ACER2: variants seen among roughly 807,000 people sequenced by gnomAD.
ACER2 encodes the protein alkCDase 2.
In ACER2, 26 loss-of-function variants were observed where a neutral mutation model predicts 34.7. The ratio of observed to expected loss-of-function variants is 0.75; its 90% CI spans 0.55 to 1.04. The LOEUF (loss-of-function observed/expected upper bound fraction) is 1.04, where lower values mean the gene tolerates loss of function less well. Ranked by LOEUF, ACER2 falls within the 50% of genes least tolerant of loss-of-function variation. ACER2 has a pLI of 0.00. For missense variants in ACER2, 352 were observed against 340.8 expected (o/e 1.03, Z -0.26); for synonymous variants, 138 against 132.1 (o/e 1.04, Z -0.31).
intron 4 of ACER2, among the ~76,000 whole-genome samples, chr9:19,444,938 T>A (rs1319851143): frequency 6.6e-6 from 1 of 152,236 alleles, no homozygotes; most frequent in East Asian, 1.9e-4. Flanking sequence ...TCTGAACCTG[T>A]CCCACTTTTA....
In ACER2 at chr9:19,446,415, T is replaced by A. The variant is rs2132532591; in HGVS notation, c.638T>A (p.Met213Lys). Residue 213 changes from methionine to lysine, a missense_variant, in exon 5 of 6, where the codon ATG becomes AAG. Physicochemically the swap from Met to Lys is moderately conservative, Grantham distance 95. Transcript: ENST00000340967. ...TTCAACTTCCCCTACCTGCACTGCA[T>A]GTGGTAAGCCCCTGCTAATGGGGAG... Reference protein sequence around the residue: ...SSFNFPYLHCMWHILICLAAY... With the variant: ...SSFNFPYLHCKWHILICLAAY... 6.2e-7 allele frequency: 1 copy of A among 1,614,128 alleles called. No individual in the cohort carries two copies. Among genetic ancestry groups the A allele is most frequent in the South Asian group, 1.1e-5 (1 of 91,076 alleles).
chr9:19,437,524 C>T (rs1373557046), intron 4 of ACER2, among the ~76,000 whole-genome samples: 1 of 152,174 alleles, frequency 6.6e-6, no homozygotes, highest in Non-Finnish European at 1.5e-5. Context: ...TCTTCTTCCT[C>T]CAATCTCTTC....
At chr9:19,443,249 G>A (rs1370529102) in intron 4 of ACER2, among the ~76,000 whole-genome samples, 1 of 152,116 alleles carries the variant, frequency 6.6e-6, no homozygotes, top group Non-Finnish European at 1.5e-5. Context: ...AGCCAGGATG[G>A]TCTTGATCTC....
At chr9:19,414,995 G>A (rs1031733780) in intron 1 of ACER2, among the ~76,000 whole-genome samples, 12 of 152,028 alleles carry the variant, frequency 7.9e-5, no homozygotes, top group African/African-American at 2.7e-4. Context: ...TTCTTTTGGT[G>A]TTCCTTCATC....
In ACER2 at chr9:19,424,692, G is replaced by T. The variant is rs758430465; in HGVS notation, c.224-8G>T. 11 of 1,612,618 alleles carry T rather than the reference G, an allele frequency of 6.8e-6. No individual in the cohort carries two copies. Among genetic ancestry groups the T allele is most frequent in the Middle Eastern group, 1.9e-4 (1 of 5,198 alleles). On this transcript the variant is annotated splice_polypyrimidine_tract_variant and splice_region_variant and intron_variant, in intron 2 of 5. Coordinates refer to ENST00000340967, the MANE Select transcript of ACER2 (RefSeq NM_001010887.3). ...TGACCTTTTTTTATTGGTTGTAATT[G>T]ATTCTAGGAATTGGATCCGTCTACT...
chr9:19,440,820 G>T (rs533337719), intron 4 of ACER2, among the ~76,000 whole-genome samples: 4 of 152,050 alleles, frequency 2.6e-5, no homozygotes, highest in Admixed American at 1.3e-4. Context: ...CTACTATTAT[G>T]TGTCTAGCTG....
intron 3 of ACER2, among the ~76,000 whole-genome samples, chr9:19,430,609 G>A (rs1431585906): frequency 6.6e-6 from 1 of 152,050 alleles, no homozygotes; most frequent in Non-Finnish European, 1.5e-5. Flanking sequence ...GCACATTCCT[G>A]TACACCTTCT....
intron 3 of ACER2, among the ~76,000 whole-genome samples, chr9:19,432,996 C>T (rs1830806706): frequency 6.6e-6 from 1 of 151,742 alleles, no homozygotes; most frequent in Admixed American, 6.6e-5. Flanking sequence ...GGAAAAATCG[C>T]ACGAAGAAAA....
intron 1 of ACER2, among the ~76,000 whole-genome samples, chr9:19,417,469 C>G (rs898347856): frequency 2.0e-5 from 3 of 152,186 alleles, no homozygotes; most frequent in African/African-American, 7.2e-5. Context: ...TGACTTCATA[C>G]TACAAGGCTA....
At chr9:19,446,705 C>T in intron 5 of ACER2, 1 of 900,136 alleles carries the variant, frequency 1.1e-6, no homozygotes. Flanking sequence ...AGCTTGAGAA[C>T]TGAACCTGTA....
Position 19,409,201 on chromosome 9 carries a change from C to G in ACER2, c.108+9C>G. The G allele has an allele frequency of 6.4e-7, 1 of 1,572,738 alleles. No individual in the cohort carries two copies. Among genetic ancestry groups the G allele is most frequent in the Non-Finnish European group, 8.6e-7 (1 of 1,159,326 alleles). Reference sequence around the variant, plus strand: ...CCGAGTTCTACAACACGGTGCGGGGCGCGGGAGCGGGGAAGGCAGGCGGGC... The same window carrying G: ...CCGAGTTCTACAACACGGTGCGGGGGGCGGGAGCGGGGAAGGCAGGCGGGC... On this transcript the variant is annotated intron_variant, in intron 1 of 5. Coordinates refer to ENST00000340967, the MANE Select transcript of ACER2 (RefSeq NM_001010887.3).
rs1337770083 is a variant in ACER2, at chr9:19,449,911, A to AAAAAT, written c.642-539_642-538insAAAAT. On this transcript the variant is annotated intron_variant, in intron 5 of 5. Transcript: ENST00000340967. Reference sequence around the variant, plus strand: ...CATTTAAAAAAAAAAAAAAAAAAAAAGGATTACATGCTTTTAAATGGTCTA... The same window carrying AAAAAT: ...CATTTAAAAAAAAAAAAAAAAAAAAAAAAATGGATTACATGCTTTTAAATGGTCTA... 1.0e-3 allele frequency among the ~76,000 whole-genome samples: 151 copies of AAAAAT among 147,858 alleles called. 1 individual carries two copies. Among genetic ancestry groups the AAAAAT allele is most frequent in the African/African-American group, 3.9e-3 (149 of 38,686 alleles).
rs7856222 is a variant in ACER2, at chr9:19,450,966, G to A, written c.*330G>A. ...TGGATTTTGTGTAATTTTTAAAAAG[G>A]TCCCCTCCTCCTCCCTAATGTGTCT... On this transcript the variant is annotated 3_prime_UTR_variant, in exon 6 of 6. Coordinates refer to ENST00000340967, the MANE Select transcript of ACER2 (RefSeq NM_001010887.3). 27,340 of 178,404 alleles carry A rather than the reference G, an allele frequency of 0.15. 4,940 individuals are homozygous for A. The highest frequency in any genetic ancestry group is 0.47 in the African/African-American group (19,719 of 42,398). 11.1% of individuals were successfully genotyped at this position (178,404 alleles called of 1,614,324 possible).
Position 19,423,845 on chromosome 9 carries a change from AC to A in ACER2, c.109-16del. The A allele has an allele frequency of 1.9e-6, 3 of 1,594,844 alleles. No individual in the cohort carries two copies. The highest frequency in any genetic ancestry group is 2.6e-6 in the Non-Finnish European group (3 of 1,162,942). ...TACTTAATACTCATCTTTCTGTTTT[AC>A]ATTTTTTTCCTGCAGATCAGCAATG... On this transcript the variant is annotated splice_polypyrimidine_tract_variant and intron_variant, in intron 1 of 5. Coordinates refer to ENST00000340967, the MANE Select transcript of ACER2 (RefSeq NM_001010887.3).
chr9:19,441,146 T>G (rs959633681), intron 4 of ACER2, among the ~76,000 whole-genome samples: 23 of 149,848 alleles, frequency 1.5e-4, no homozygotes, highest in Admixed American at 1.5e-3. Context: ...GCCTCCCGGG[T>G]TCAAGCGATT....
intron 1 of ACER2, among the ~76,000 whole-genome samples, chr9:19,416,640 C>G (rs1466161314): frequency 6.6e-6 from 1 of 151,938 alleles, no homozygotes; most frequent in Admixed American, 6.6e-5. Context: ...ATTCTCCTGC[C>G]TTAGCCTCCC....
At chr9:19,445,127 G>C (rs1318238533) in intron 4 of ACER2, among the ~76,000 whole-genome samples, 1 of 152,220 alleles carries the variant, frequency 6.6e-6, no homozygotes, top group Non-Finnish European at 1.5e-5. Flanking sequence ...TCCCCTCCGG[G>C]AAGAAGGACG....
intron 3 of ACER2, among the ~76,000 whole-genome samples, chr9:19,432,095 G>A (rs1166314149): frequency 6.6e-6 from 1 of 152,172 alleles, no homozygotes; most frequent in Non-Finnish European, 1.5e-5. Flanking sequence ...CTAGGATCAC[G>A]TCGCCACTTC....
At chr9:19,433,020 C>G (rs905871922) in intron 3 of ACER2, among the ~76,000 whole-genome samples, 13 of 151,978 alleles carry the variant, frequency 8.6e-5, no homozygotes, top group Admixed American at 2.0e-4. Flanking sequence ...CTATCCATAT[C>G]TCACCTTCAG....
Sources: allele counts gnomAD v4.1 joint callset (sites outside exome capture counted in the v4.1 genomes callset), GRCh38; gene constraint gnomAD v4.1.1; transcripts MANE v1.5; gene names NCBI Gene and HGNC (gene_info 2026-07-23, HGNC 2026-07-21).